C17orf99: variants seen among roughly 807,000 people sequenced by gnomAD.
C17orf99 encodes protein IL-40.
Under a neutral mutation model 22.6 loss-of-function variants are expected in C17orf99, and 18 were observed. That is an observed-to-expected ratio of 0.80 (90% CI 0.55 to 1.18). The LOEUF is 1.18. Among genes scored for constraint, C17orf99 ranks in the 50% most tolerant of loss-of-function variants. The probability of loss-of-function intolerance (pLI) is 0.00; values close to 1 mark genes in which losing one functional copy is unlikely to be tolerated. For synonymous variants in C17orf99, 147 were observed against 136.6 expected (o/e 1.08, Z -0.53); for missense variants, 328 against 342.7 (o/e 0.96, Z 0.34).
intron 2 of C17orf99, among the ~76,000 whole-genome samples, chr17:78,154,110 G>C (rs1172917314): frequency 6.6e-6 from 1 of 151,610 alleles, no homozygotes; most frequent in Non-Finnish European, 1.5e-5. Flanking sequence ...ATTTTTAATA[G>C]AGACAGGGTT....
chr17:78,160,409 G>A (rs760295083), intron 2 of C17orf99, among the ~76,000 whole-genome samples: 9 of 151,936 alleles, frequency 5.9e-5, no homozygotes, highest in South Asian at 4.2e-4. Flanking sequence ...GGTGGCACGC[G>A]CCTGCAGTCC....
intron 3 of C17orf99, among the ~76,000 whole-genome samples, chr17:78,163,586 G>A (rs941358286): frequency 6.6e-6 from 1 of 152,232 alleles, no homozygotes; most frequent in African/African-American, 2.4e-5. Context: ...ATAAAACCAG[G>A]CCGGGCACGG....
At chr17:78,154,492 G>A (rs1017558636) in intron 2 of C17orf99, among the ~76,000 whole-genome samples, 9 of 151,970 alleles carry the variant, frequency 5.9e-5, no homozygotes, top group Non-Finnish European at 1.3e-4. Flanking sequence ...AGGTTGCAGT[G>A]AGCCAAGATT....
In C17orf99 at chr17:78,146,625, T is replaced by C. The variant is rs2075439158; in HGVS notation, c.37+181T>C. ...GACCAGCCCCTAAACTTGCTGTATATGTGGTCCAGGGATTTCTGCACCATT... is the reference window on the plus strand; with the variant it reads ...GACCAGCCCCTAAACTTGCTGTATACGTGGTCCAGGGATTTCTGCACCATT... On this transcript the variant is annotated intron_variant, in intron 1 of 4. Coordinates refer to ENST00000340363, the MANE Select transcript of C17orf99 (RefSeq NM_001163075.2). This position sits in a 1 kb window ranked among gnomAD's most constrained non-coding sequence, Gnocchi z 5.2. 6.6e-6 allele frequency among the ~76,000 whole-genome samples: 1 copy of C among 152,034 alleles called. No homozygotes were observed. Among genetic ancestry groups the C allele is most frequent in the African/African-American group, 2.4e-5 (1 of 41,378 alleles).
At position 78,165,894 on chromosome 17, in the gene C17orf99, G is replaced by A. The variant is rs1254190044; in HGVS notation, c.646G>A (p.Asp216Asn). 1 of 1,347,528 alleles carries A rather than the reference G, an allele frequency of 7.4e-7. No homozygotes were observed. The highest frequency in any genetic ancestry group is 9.7e-7 in the Non-Finnish European group (1 of 1,032,504). The allele number at this position is 1,347,528 out of a possible 1,614,324, so 83.5% of individuals were successfully genotyped here. A position where few individuals can be genotyped will look rare whatever the true frequency, so the allele number is the denominator to read the frequency against. ...GTCTCCACTGCTTTGTCAAGGTGGT[G>A]ACCAGAAGATGGAGGACTGGCAGGG... The part of the protein sequence containing the change: ...SALTVVPPGG[D>N]QKMEDWQGPL... Residue 216 changes from aspartate (D) to asparagine (N), a missense_variant, in exon 5 of 5, where the codon GAC becomes AAC. Physicochemically the swap from Asp to Asn is conservative, Grantham distance 23. Transcript: ENST00000340363.
In C17orf99 at chr17:78,146,831, T is replaced by G; in HGVS notation, c.38-48T>G. The stretch of plus-strand genomic sequence containing the variant: ...GTGGGTCTCGAGGCTGTCTCTGGTC[T>G]CCCCTCCACACCAGGCCCTCTCCTT... On this transcript the variant is annotated intron_variant, in intron 1 of 4. Transcript: ENST00000340363. The surrounding 1 kb of genome is among the most constrained non-coding windows in gnomAD (Gnocchi z 5.2). The G allele has an allele frequency of 1.9e-6, 3 of 1,538,578 alleles. No homozygotes were observed. Among genetic ancestry groups the G allele is most frequent in the Non-Finnish European group, 2.6e-6 (3 of 1,135,894 alleles).
At chr17:78,157,722 G>A (rs1362651112) in intron 2 of C17orf99, 7 of 472,768 alleles carry the variant, frequency 1.5e-5, no homozygotes, top group South Asian at 8.0e-5. Context: ...GCGTAAACCC[G>A]GGAGGCAGAG....
intron 2 of C17orf99, among the ~76,000 whole-genome samples, chr17:78,154,773 C>T (rs950540781): frequency 3.9e-5 from 6 of 151,958 alleles, no homozygotes; most frequent in Non-Finnish European, 8.8e-5. Context: ...ACCTGGGAAG[C>T]GGAGGTTGTG....
intron 2 of C17orf99, among the ~76,000 whole-genome samples, chr17:78,156,299 C>T (rs1220102734): frequency 7.1e-6 from 1 of 140,110 alleles, no homozygotes; most frequent in African/African-American, 2.8e-5. Flanking sequence ...CACTGCACTC[C>T]AGCCTGGGTG....
intron 3 of C17orf99, among the ~76,000 whole-genome samples, chr17:78,163,452 G>A (rs754542754): frequency 6.6e-6 from 1 of 152,234 alleles, no homozygotes; most frequent in African/African-American, 2.4e-5. Flanking sequence ...GAATGATAGA[G>A]TTGCCAGATA....
intron 2 of C17orf99, among the ~76,000 whole-genome samples, chr17:78,159,476 T>C (rs967349424): frequency 2.6e-5 from 4 of 150,988 alleles, no homozygotes; most frequent in Admixed American, 6.6e-5. Flanking sequence ...CCATGTCTAC[T>C]AAAAATACAA....
At chr17:78,152,634 C>T (rs2075493844) in intron 2 of C17orf99, among the ~76,000 whole-genome samples, 4 of 121,544 alleles carry the variant, frequency 3.3e-5, no homozygotes, top group Admixed American at 1.7e-4. Flanking sequence ...TGCACCCAGC[C>T]AATTTTTTTT....
At chr17:78,159,577 G>A (rs2075556241) in intron 2 of C17orf99, among the ~76,000 whole-genome samples, 1 of 131,994 alleles carries the variant, frequency 7.6e-6, no homozygotes, top group Non-Finnish European at 1.5e-5. Flanking sequence ...AGGCGACAGT[G>A]CAAGACTCTG....
At chr17:78,152,125 T>C (rs903966752) in intron 2 of C17orf99, among the ~76,000 whole-genome samples, 12 of 152,148 alleles carry the variant, frequency 7.9e-5, no homozygotes, top group African/African-American at 2.9e-4. Context: ...GAGTGTGCCA[T>C]CCCATTATTT....
At chr17:78,149,785 C>G (rs2075465608) in intron 2 of C17orf99, among the ~76,000 whole-genome samples, 2 of 151,944 alleles carry the variant, frequency 1.3e-5, no homozygotes, top group Non-Finnish European at 2.9e-5. Context: ...TCTCGGCTCA[C>G]TGCAACCTCC....
intron 2 of C17orf99, chr17:78,158,868 C>T: frequency 6.2e-6 from 1 of 162,066 alleles, no homozygotes. Context: ...GGTCCTTGTG[C>T]CCTCCCCACT....
At chr17:78,157,187 C>T (rs993692560) in intron 2 of C17orf99, among the ~76,000 whole-genome samples, 12 of 151,850 alleles carry the variant, frequency 7.9e-5, no homozygotes, top group East Asian at 1.9e-4. Flanking sequence ...AAACTTAGGC[C>T]GGGCACGGTG....
rs184818319 is a variant in C17orf99 at position 78,164,679 on chromosome 17, C to T, written c.640+315C>T. ...GTGGGCCAGGTAGGAAATGGGTGCT[C>T]GATGCAGGGAGGAGGGAGAGCTGCT... is the stretch of plus-strand genomic sequence containing the variant. On this transcript the variant is annotated intron_variant, in intron 4 of 4. Transcript: ENST00000340363. The T allele has an allele frequency of 2.2e-5, 31 of 1,419,776 alleles. No homozygotes were observed. The East Asian group carries it at 3.3e-4, about 15-fold the overall frequency. The allele number at this position is 1,419,776 out of a possible 1,614,324, so 87.9% of individuals were successfully genotyped here.
At position 78,146,472 on chromosome 17, in the gene C17orf99, G is replaced by C; in HGVS notation, c.37+28G>C. The C allele has an allele frequency of 6.5e-7, 1 of 1,547,336 alleles. No homozygotes were observed. The highest frequency in any genetic ancestry group is 1.2e-5 in the South Asian group (1 of 83,998). ...GAGTCCACCAGGGACGTGATGGTGG[G>C]GCTGCTGCTGGGGCCTTGAGGTCTT... On this transcript the variant is annotated intron_variant, in intron 1 of 4. Transcript: ENST00000340363. The surrounding 1 kb of genome is among the most constrained non-coding windows in gnomAD (Gnocchi z 5.2).
Sources: allele counts gnomAD v4.1 joint callset (sites outside exome capture counted in the v4.1 genomes callset), GRCh38; gene constraint gnomAD v4.1.1; non-coding constraint Gnocchi (gnomAD v3.1); transcripts MANE v1.5; gene names NCBI Gene and HGNC (gene_info 2026-07-23, HGNC 2026-07-21).